The following RBMS3 variants were observed in gnomAD, a reference collection of about 807,000 sequenced individuals.
The protein encoded by RBMS3 is RNA binding motif single stranded interacting protein 3, also known as RNA-binding motif, single-stranded-interacting protein 3.
Under a neutral mutation model 66.8 loss-of-function variants are expected in RBMS3, and 27 were observed. That is an observed-to-expected ratio of 0.40 (90% CI 0.30 to 0.56). RBMS3 has a LOEUF of 0.56. Ranked by LOEUF, RBMS3 falls within the 20% of genes least tolerant of loss-of-function variation. The pLI, the probability that RBMS3 is intolerant of heterozygous loss-of-function variation, is 0.40. For synonymous variants in RBMS3, 188 were observed against 183.0 expected, an observed-to-expected ratio of 1.03 and a Z score of -0.22; for missense variants, 513 against 549.5, an observed-to-expected ratio of 0.93 and a Z score of 0.66.
At chr3:29,587,243 T>TG in intron 4 of RBMS3, 38 bp downstream of exon 4, 1 of 841,050 alleles carries the variant, frequency 1.2e-6, no homozygotes, top group Non-Finnish European at 1.7e-6. Flanking sequence ...TTTTTTTTTT[T>TG]TTTTTTGTGT....
At chr3:29,827,783 T>C (rs538528556) in intron 6 of RBMS3, among the ~76,000 whole-genome samples, 12 of 152,266 alleles carry the variant, frequency 7.9e-5, no homozygotes, top group African/African-American at 2.6e-4. Flanking sequence ...AAACAGCCTA[T>C]TGACAAGGTA....
At chr3:29,820,378 G>A (rs576827784) in intron 6 of RBMS3, among the ~76,000 whole-genome samples, 2 of 151,744 alleles carry the variant, frequency 1.3e-5, no homozygotes, top group Non-Finnish European at 2.9e-5. Flanking sequence ...TTCTATTAGA[G>A]GATTGATAGA....
chr3:29,533,977 A>C (rs1005160409), intron 3 of RBMS3, among the ~76,000 whole-genome samples: 1 of 152,210 alleles, frequency 6.6e-6, no homozygotes, highest in Non-Finnish European at 1.5e-5. Context: ...AATCCGCTGC[A>C]TGTTCATGTC....
At chr3:29,592,912 A>G (rs975005901) in intron 4 of RBMS3, among the ~76,000 whole-genome samples, 2 of 151,234 alleles carry the variant, frequency 1.3e-5, no homozygotes, top group African/African-American at 4.9e-5. Context: ...GCAAGGACAA[A>G]AAACCAAACA....
chr3:29,809,548 T>G (rs1218481435), intron 6 of RBMS3, among the ~76,000 whole-genome samples: 1 of 152,008 alleles, frequency 6.6e-6, no homozygotes, highest in Non-Finnish European at 1.5e-5. Context: ...ATGCCAATTT[T>G]CATTACTAAT....
chr3:29,909,569 A>G (rs2060467238), intron 10 of RBMS3, among the ~76,000 whole-genome samples: 1 of 152,144 alleles, frequency 6.6e-6, no homozygotes, highest in Non-Finnish European at 1.5e-5. Context: ...TGGTGAGTCT[A>G]GAATCTTTTG....
At chr3:29,333,719 A>AGC (rs1335721832) in intron 1 of RBMS3, among the ~76,000 whole-genome samples, 1 of 152,184 alleles carries the variant, frequency 6.6e-6, no homozygotes, top group Non-Finnish European at 1.5e-5. Context: ...AGTGCAATGA[A>AGC]GCCTCCATCT....
At chr3:29,413,783 G>A (rs2040371683) in intron 1 of RBMS3, among the ~76,000 whole-genome samples, 1 of 152,158 alleles carries the variant, frequency 6.6e-6, no homozygotes, top group Admixed American at 6.5e-5. Context: ...CTTAATCACT[G>A]CTTAAAATGT....
At chr3:29,697,507 A>T (rs545270160) in intron 4 of RBMS3, among the ~76,000 whole-genome samples, 25 of 152,300 alleles carry the variant, frequency 1.6e-4, no homozygotes, top group African/African-American at 5.3e-4. Flanking sequence ...ACAGGAGTTT[A>T]TTTTAATCTA....
At chr3:29,361,001 A>G (rs1264741297) in intron 1 of RBMS3, among the ~76,000 whole-genome samples, 2 of 151,922 alleles carry the variant, frequency 1.3e-5, no homozygotes, top group Non-Finnish European at 2.9e-5. Flanking sequence ...CTCTTTATCC[A>G]GGTTGACAGT....
rs528636067 is a variant in RBMS3, at chr3:29,776,403, C to A, written c.637+13414C>A. ...CCTAATTGTTCCGCACCCATTAACT[C>A]GTCATTTAACATTAGGTATATCTCC... On this transcript the variant is annotated intron_variant, in intron 6 of 14. Coordinates refer to ENST00000383767, the MANE Select transcript of RBMS3 (RefSeq NM_001003793.3). 1.2e-3 allele frequency among the ~76,000 whole-genome samples: 186 copies of A among 152,016 alleles called. 1 individual carries two copies. Among genetic ancestry groups the A allele is most frequent in the African/African-American group, 4.2e-3 (175 of 41,502 alleles).
At chr3:29,792,982 T>A (rs2057061746) in intron 6 of RBMS3, among the ~76,000 whole-genome samples, 1 of 152,164 alleles carries the variant, frequency 6.6e-6, no homozygotes, top group Admixed American at 6.6e-5. Flanking sequence ...CTCTCACCTT[T>A]AATCCCAGCG....
At chr3:29,863,773 A>C (rs998511715) in intron 6 of RBMS3, among the ~76,000 whole-genome samples, 1 of 152,198 alleles carries the variant, frequency 6.6e-6, no homozygotes, top group South Asian at 2.1e-4. Flanking sequence ...AGGTAGGCTT[A>C]AAATCCAGAA....
chr3:29,433,570 A>G (rs1341373897), intron 1 of RBMS3, among the ~76,000 whole-genome samples: 4 of 152,202 alleles, frequency 2.6e-5, no homozygotes, highest in African/African-American at 9.7e-5. Flanking sequence ...CTAACTTAAG[A>G]GAGTACCGTT....
intron 4 of RBMS3, among the ~76,000 whole-genome samples, chr3:29,634,546 G>A (rs1576406722): frequency 6.6e-6 from 1 of 151,872 alleles, no homozygotes. Flanking sequence ...ATTTTGGAAT[G>A]ATTTTAAGGC....
chr3:29,576,380 A>C (rs571288321), intron 3 of RBMS3, among the ~76,000 whole-genome samples: 1 of 152,156 alleles, frequency 6.6e-6, no homozygotes, highest in South Asian at 2.1e-4. Context: ...ACTGGGATTG[A>C]CCCAGTGTGG....
At chr3:29,910,462 A>T (rs1046540498) in intron 10 of RBMS3, among the ~76,000 whole-genome samples, 1 of 152,182 alleles carries the variant, frequency 6.6e-6, no homozygotes, top group Non-Finnish European at 1.5e-5. Context: ...GGGTTCACAT[A>T]TTGAGAGTAT....
chr3:29,370,517 C>A (rs539848262), intron 1 of RBMS3, among the ~76,000 whole-genome samples: 1 of 152,256 alleles, frequency 6.6e-6, no homozygotes, highest in East Asian at 1.9e-4. Context: ...CATATTTAGA[C>A]CAGACCCTTT....
chr3:29,510,793 T>C (rs9815998), intron 3 of RBMS3, among the ~76,000 whole-genome samples: 44 of 152,216 alleles, frequency 2.9e-4, no homozygotes, highest in African/African-American at 8.9e-4. Flanking sequence ...GCTTTAGTTA[T>C]GTTAGCATTG....
Sources: allele counts gnomAD v4.1 joint callset (sites outside exome capture counted in the v4.1 genomes callset), GRCh38; gene constraint gnomAD v4.1.1; transcripts MANE v1.5; gene names NCBI Gene and HGNC (gene_info 2026-07-23, HGNC 2026-07-21).